The following CACNA1A variants were observed in gnomAD, a reference collection of about 807,000 sequenced individuals.
The protein encoded by CACNA1A is voltage-dependent P/Q-type calcium channel subunit alpha-1A.
In CACNA1A, 57 loss-of-function variants were observed where a neutral mutation model predicts 262.4. That is an observed-to-expected ratio of 0.22 (90% CI 0.18 to 0.27). The LOEUF is 0.27. Ranked by LOEUF, CACNA1A falls within the 10% of genes least tolerant of loss-of-function variation. The pLI is 1.00. For missense variants in CACNA1A, 2,526 were observed against 3,562.8 expected (o/e 0.71, Z 7.41); for synonymous variants, 1,431 against 1,419.3 (o/e 1.01, Z -0.18).
chr19:13,346,649 TATATATATATATA>T (rs2058782577), intron 6 of CACNA1A, among the ~76,000 whole-genome samples: 5 of 6,140 alleles, frequency 8.1e-4, no homozygotes, highest in African/African-American at 2.0e-3. Flanking sequence ...TATATATATA[TATATATATATATA>T]TATATTTTTT....
intron 5 of CACNA1A, chr19:13,364,533 G>A (rs569014433): frequency 1.3e-5 from 2 of 152,398 alleles, no homozygotes; most frequent in South Asian, 2.1e-4. Flanking sequence ...CCCACTCTAG[G>A]AGCAGTCCTC....
intron 3 of CACNA1A, among the ~76,000 whole-genome samples, chr19:13,391,979 G>A (rs2059717152): frequency 6.7e-6 from 1 of 149,772 alleles, no homozygotes; most frequent in South Asian, 2.1e-4. Flanking sequence ...CAAGGCTGCA[G>A]TGAGCTGTGA....
At chr19:13,228,922 A>G (rs767472856) in intron 36 of CACNA1A, 203 of 512,204 alleles carry the variant, frequency 4.0e-4, no homozygotes, top group Admixed American at 9.1e-4. Flanking sequence ...GACTGGGGAC[A>G]AGTGAAGGTC....
intron 3 of CACNA1A, among the ~76,000 whole-genome samples, chr19:13,399,776 A>G (rs1415663602): frequency 6.6e-6 from 1 of 152,200 alleles, no homozygotes; most frequent in Non-Finnish European, 1.5e-5. Flanking sequence ...CATCATGGTC[A>G]TGTTTCATAA....
Position 13,207,228 on chromosome 19 carries a change from G to GC in CACNA1A, c.*84dup. On this transcript the variant is annotated 3_prime_UTR_variant, in exon 47 of 47. Transcript: ENST00000360228. The surrounding 1 kb of genome is among the most constrained non-coding windows in gnomAD (Gnocchi z 5.7). ...CCCTCTCCCGGGCCCTCTGTGCTGG[G>GC]CCCCCGCGGCCTCTGCGCGGCTCCT... 1.5e-6 allele frequency: 2 copies of GC among 1,360,310 alleles called. No individual in the cohort carries two copies. Among genetic ancestry groups the GC allele is most frequent in the Non-Finnish European group, 1.9e-6 (2 of 1,046,420 alleles). 84.3% of individuals were successfully genotyped at this position (1,360,310 alleles called of 1,614,324 possible).
chr19:13,316,932 G>C (rs1426991508), intron 11 of CACNA1A, 180 bp downstream of exon 11: 1 of 531,114 alleles, frequency 1.9e-6, no homozygotes, highest in Admixed American at 3.2e-5. Context: ...AGGGAGATGG[G>C]TTCCATTGTC....
chr19:13,263,172 C>T (rs891138207), intron 24 of CACNA1A: 7 of 244,670 alleles, frequency 2.9e-5, no homozygotes, highest in Admixed American at 1.0e-4. Flanking sequence ...CACAGCTTTT[C>T]TTTTTTCTTT....
Position 13,425,745 on chromosome 19 carries a change from A to G in CACNA1A, c.539+27131T>C, listed in dbSNP as rs542037646. Among the ~76,000 whole-genome samples the G allele has an allele frequency of 5.3e-5, 8 of 152,186 alleles. No homozygotes were observed. The South Asian group carries it at 1.0e-3, about 20-fold the overall frequency. On this transcript the variant is annotated intron_variant, in intron 3 of 46. Coordinates refer to ENST00000360228, the MANE Select transcript of CACNA1A (RefSeq NM_001127222.2). ...GGGTTCGCCTTCATCGCAGGCCTCA[A>G]TGAACTCCCTTCAACAGTGTCCCAT... is the stretch of plus-strand genomic sequence containing the variant.
intron 31 of CACNA1A, among the ~76,000 whole-genome samples, chr19:13,238,442 T>C (rs2055951843): frequency 6.6e-6 from 1 of 152,170 alleles, no homozygotes; most frequent in Admixed American, 6.6e-5. Flanking sequence ...CTACTACTTG[T>C]AGACCTCAGC....
intron 3 of CACNA1A, among the ~76,000 whole-genome samples, chr19:13,374,417 A>G (rs890338052): frequency 1.5e-4 from 23 of 152,004 alleles, no homozygotes; most frequent in African/African-American, 5.3e-4. Flanking sequence ...TCAGAAAATT[A>G]AAAAATTTTT....
chr19:13,287,803 CTT>C (rs34542703), intron 19 of CACNA1A, among the ~76,000 whole-genome samples: 13 of 133,446 alleles, frequency 9.7e-5, no homozygotes, highest in African/African-American at 8.2e-5. Flanking sequence ...CACCTGGCCT[CTT>C]TTTTTTTTTT....
chr19:13,429,996 G>C (rs1233605367), intron 3 of CACNA1A, among the ~76,000 whole-genome samples: 1 of 122,444 alleles, frequency 8.2e-6, no homozygotes, highest in Non-Finnish European at 1.7e-5. Context: ...GGGGGGAGTG[G>C]GGAGGGGGGA....
chr19:13,370,990 T>G (rs1475848709), intron 4 of CACNA1A: 2 of 152,136 alleles, frequency 1.3e-5, no homozygotes. Context: ...ATCTTGACCC[T>G]GCATATGGCA....
At chr19:13,259,413 A>C in intron 27 of CACNA1A, 151 bp downstream of exon 27, 1 of 408,944 alleles carries the variant, frequency 2.4e-6, no homozygotes, top group Non-Finnish European at 4.1e-6. Flanking sequence ...CTCAAGTGAT[A>C]CATCTGCCTT....
chr19:13,415,568 C>T (rs1052542678), intron 3 of CACNA1A, among the ~76,000 whole-genome samples: 1 of 151,398 alleles, frequency 6.6e-6, no homozygotes, highest in Non-Finnish European at 1.5e-5. Context: ...TGGCAAAACC[C>T]GGTCTCTACT....
chr19:13,310,511 T>TGGAGAG lies in CACNA1A; in HGVS notation c.1669-1984_1669-1983insCTCTCC, dbSNP rs1568521550. Among the ~76,000 whole-genome samples, 3 of 18,394 alleles carry TGGAGAG rather than the reference T, an allele frequency of 1.6e-4. 1 individual carries two copies. Among genetic ancestry groups the TGGAGAG allele is most frequent in the African/African-American group, 5.4e-4 (1 of 1,852 alleles). 12.1% of individuals were successfully genotyped at this position (18,394 alleles called of 152,430 possible). The stretch of plus-strand genomic sequence containing the variant: ...AAAAATATATATATATATATATATA[T>TGGAGAG]ATGTAGAGAGAGAGAGAGAGTTTAA... On this transcript the variant is annotated intron_variant, in intron 12 of 46. Coordinates refer to ENST00000360228, the MANE Select transcript of CACNA1A (RefSeq NM_001127222.2).
Position 13,473,631 on chromosome 19 carries a change from T to C in CACNA1A, c.294-18419A>G, listed in dbSNP as rs1181778808. Among the ~76,000 whole-genome samples, 3 of 152,224 alleles carry C rather than the reference T, an allele frequency of 2.0e-5. No homozygotes were observed. In the East Asian group the frequency reaches 5.8e-4, roughly 29 times the overall value. On this transcript the variant is annotated intron_variant, in intron 1 of 46. Transcript: ENST00000360228. ...ATTATGTCTGTATTTGCCTATTCCTTATTTTATGCCTTCTTTTCCTGTTAC... is the reference window on the plus strand; with the variant it reads ...ATTATGTCTGTATTTGCCTATTCCTCATTTTATGCCTTCTTTTCCTGTTAC...
At chr19:13,326,301 T>A (rs1219975882) in intron 10 of CACNA1A, among the ~76,000 whole-genome samples, 1 of 148,886 alleles carries the variant, frequency 6.7e-6, no homozygotes, top group Non-Finnish European at 1.5e-5. Context: ...GGCGACAGAG[T>A]AAGACTCCAT....
At chr19:13,380,414 C>G (rs12972721) in intron 3 of CACNA1A, among the ~76,000 whole-genome samples, 75,097 of 150,812 alleles carry the variant, frequency 0.5, 20,149 homozygotes, top group African/African-American at 0.71. Flanking sequence ...GGGAGGCCGA[C>G]GCAGGCAGAT....
Sources: gnomAD v4.1 joint callset for allele counts (sites outside exome capture counted in the v4.1 genomes callset) on GRCh38, gnomAD v4.1.1 for gene constraint, Gnocchi (gnomAD v3.1) non-coding constraint, MANE v1.5 for transcripts, NCBI Gene and HGNC (gene_info 2026-07-23, HGNC 2026-07-21) for gene names.